The following MAP3K2 variants were observed in gnomAD, a reference collection of about 807,000 sequenced individuals.
The protein encoded by MAP3K2 is mitogen-activated protein kinase kinase kinase 2, also known as MAP/ERK kinase kinase 2.
MAP3K2 carries 24 observed loss-of-function variants against 80.3 expected under a neutral mutation model. The observed-to-expected ratio is 0.30, with a 90% CI of 0.22 to 0.42. The LOEUF is 0.42. MAP3K2 is among the 10% of genes least tolerant of loss of function. The pLI, the probability that MAP3K2 is intolerant of heterozygous loss-of-function variation, is 1.00. For missense variants in MAP3K2, 608 were observed against 750.1 expected (o/e 0.81, Z 2.21); for synonymous variants, 244 against 253.7 (o/e 0.96, Z 0.36).
At chr2:127,387,398 G>GCGCGCGCGCACACACACACACACACACC in intron 1 of MAP3K2, 54 bp downstream of exon 1, 1 of 189,724 alleles carries the variant, frequency 5.3e-6, no homozygotes, top group East Asian at 2.3e-4. Context: ...ACACACGCGC[G>GCGCGCGCGCACACACACACACACACACC]CACACACACA....
At position 127,324,255 on chromosome 2, in the gene MAP3K2, A is replaced by G. The variant is rs1268902565; in HGVS notation, c.678-14T>C. On this transcript the variant is annotated splice_polypyrimidine_tract_variant and intron_variant, in intron 9 of 16. Transcript: ENST00000682094. ...GGATAGCTCTCTCTATAAAGAAAAA[A>G]CATCACATTAAGTTTACAGAAAGAA... is the stretch of plus-strand genomic sequence containing the variant. The G allele has an allele frequency of 6.8e-7, 1 of 1,475,860 alleles. No homozygotes were observed. The allele number at this position is 1,475,860 out of a possible 1,614,324, so 91.4% of individuals were successfully genotyped here. A position where few individuals can be genotyped will look rare whatever the true frequency, so the allele number is the denominator to read the frequency against.
chr2:127,323,786 T>C (rs1686074478), intron 11 of MAP3K2, 116 bp downstream of exon 11: 2 of 483,496 alleles, frequency 4.1e-6, no homozygotes, highest in East Asian at 6.7e-5. Context: ...ATAACACAAT[T>C]CCTCATATTT....
chr2:127,353,467 C>T (rs1316678308), intron 1 of MAP3K2, among the ~76,000 whole-genome samples: 1 of 151,762 alleles, frequency 6.6e-6, no homozygotes, highest in Non-Finnish European at 1.5e-5. Context: ...GCCCAGCAGC[C>T]GTCCTGTCTG....
chr2:127,380,959 C>T (rs1687234997), intron 1 of MAP3K2, among the ~76,000 whole-genome samples: 1 of 152,216 alleles, frequency 6.6e-6, no homozygotes, highest in African/African-American at 2.4e-5. Flanking sequence ...GAAATTCATT[C>T]TTTATTCATA....
rs1307150490 is a variant in MAP3K2, at chr2:127,312,497, C to CA, written c.1456+2256dup. Among the ~76,000 whole-genome samples, 10 of 151,304 alleles carry CA rather than the reference C, an allele frequency of 6.6e-5. 1 individual carries two copies. Among genetic ancestry groups the CA allele is most frequent in the Non-Finnish European group, 1.3e-4 (9 of 67,800 alleles). On this transcript the variant is annotated intron_variant, in intron 15 of 16. Coordinates refer to ENST00000682094, the MANE Select transcript of MAP3K2 (RefSeq NM_001371910.2). ...GCAACATAGCAATACCCTATCTCTA[C>CA]AAAAAAAAATTTAATTAACTGGGCA...
intron 1 of MAP3K2, 60 bp downstream of exon 1, chr2:127,387,392 A>ATG (rs1553519998): frequency 5.1e-5 from 17 of 333,628 alleles, no homozygotes; most frequent in South Asian, 3.4e-4. Context: ...CCCGACACAC[A>ATG]CGCGCGCACA....
rs879061443 is a variant in MAP3K2, at chr2:127,321,501, T to C, written c.1045+545A>G. 2.6e-5 allele frequency among the ~76,000 whole-genome samples: 4 copies of C among 152,232 alleles called. No homozygotes were observed. The highest frequency in any genetic ancestry group is 4.4e-5 in the Non-Finnish European group (3 of 68,026). On this transcript the variant is annotated intron_variant, in intron 12 of 16. Coordinates refer to ENST00000682094, the MANE Select transcript of MAP3K2 (RefSeq NM_001371910.2). The surrounding 1 kb of genome is among the most constrained non-coding windows in gnomAD (Gnocchi z 4.4). ...ACATCTTTGAACATGAATCTTTGTA[T>C]GCACTGCTTACACAGTAAGGTCTGA...
chr2:127,381,038 T>C (rs1687236839), intron 1 of MAP3K2, among the ~76,000 whole-genome samples: 1 of 152,224 alleles, frequency 6.6e-6, no homozygotes, highest in Non-Finnish European at 1.5e-5. Context: ...TCCTTCTTTT[T>C]TTCCTGATTT....
chr2:127,345,454 A>G lies in MAP3K2; in HGVS notation c.-65-2260T>C, dbSNP rs186872998. Among the ~76,000 whole-genome samples the G allele has an allele frequency of 8.5e-5, 13 of 152,372 alleles. No individual in the cohort carries two copies. In the East Asian group the frequency reaches 1.2e-3, roughly 14 times the overall value. On this transcript the variant is annotated intron_variant, in intron 1 of 16. Transcript: ENST00000682094. ...TGGAGATTTCAATGCCCTGCGTTCA[A>G]TAACGGATAAAATAAGTAGACAGAA... is the stretch of plus-strand genomic sequence containing the variant.
intron 1 of MAP3K2, among the ~76,000 whole-genome samples, chr2:127,347,677 G>T (rs1319702441): frequency 6.6e-6 from 1 of 152,130 alleles, no homozygotes; most frequent in East Asian, 1.9e-4. Flanking sequence ...GTTATCTACA[G>T]ATTCAATGAA....
At chr2:127,355,498 CATT>C (rs1174418580) in intron 1 of MAP3K2, among the ~76,000 whole-genome samples, 1 of 152,076 alleles carries the variant, frequency 6.6e-6, no homozygotes, top group African/African-American at 2.4e-5. Context: ...TGTGCAATGG[CATT>C]ATGTCTAAAA....
chr2:127,337,207 C>T (rs1686390629), intron 4 of MAP3K2, among the ~76,000 whole-genome samples: 1 of 152,030 alleles, frequency 6.6e-6, no homozygotes, highest in South Asian at 2.1e-4. Flanking sequence ...TTGTCAACTA[C>T]CACCCTATCA....
rs1446621327 is a variant in MAP3K2, at chr2:127,305,851, C to T, written c.*1728G>A. ...TGTTCCATTTAACAATGTCCTTGCT[C>T]TTATTGGATACATTGTACTAGAAAT... On this transcript the variant is annotated 3_prime_UTR_variant, in exon 17 of 17. Coordinates refer to ENST00000682094, the MANE Select transcript of MAP3K2 (RefSeq NM_001371910.2). 6.6e-6 allele frequency: 1 copy of T among 151,454 alleles called. No individual in the cohort carries two copies. Among genetic ancestry groups the T allele is most frequent in the African/African-American group, 2.4e-5 (1 of 41,188 alleles). 9.4% of individuals were successfully genotyped at this position (151,454 alleles called of 1,614,324 possible).
intron 1 of MAP3K2, among the ~76,000 whole-genome samples, chr2:127,352,283 C>G (rs1176882944): frequency 1.3e-5 from 2 of 151,780 alleles, no homozygotes; most frequent in Admixed American, 6.6e-5. Flanking sequence ...CCCACCACTG[C>G]AAAAAAAGAA....
intron 1 of MAP3K2, among the ~76,000 whole-genome samples, chr2:127,368,831 G>A (rs72848605): frequency 0.035 from 5,229 of 150,762 alleles, 126 homozygotes; most frequent in Middle Eastern, 0.072. Context: ...GGTTGGCCTC[G>A]ACCTCTTGGG....
chr2:127,325,771 A>G lies in MAP3K2; in HGVS notation c.634T>C (p.Ser212Pro), dbSNP rs1350692612. ...AGTGATGGACAACTTCCTGAGCCAG[A>G]ATTTTCAGGGCTGCTTAAAGATAAT... ...DPLSLSSPEN[S>P]GSGSCPSLDS... The change falls in exon 9 of 17, where the codon TCT becomes CCT. Residue 212 changes from serine (S) to proline (P), a missense_variant. Ser to Pro is a moderately conservative substitution (Grantham distance 74). Around this residue, in one of 4 missense-constraint regions of MAP3K2, gnomAD observed 467 missense variants for 521.9 expected, o/e 0.89. Transcript: ENST00000682094. The G allele has an allele frequency of 6.2e-7, 1 of 1,613,642 alleles. No homozygotes were observed. Among genetic ancestry groups the G allele is most frequent in the Non-Finnish European group, 8.5e-7 (1 of 1,179,696 alleles).
intron 12 of MAP3K2, among the ~76,000 whole-genome samples, chr2:127,320,804 G>A (rs1370751783): frequency 6.6e-6 from 1 of 152,132 alleles, no homozygotes; most frequent in Non-Finnish European, 1.5e-5. Flanking sequence ...TAAGCCAGAA[G>A]ACAATGGGAC....
chr2:127,311,349 C>T (rs1435175100), intron 15 of MAP3K2, among the ~76,000 whole-genome samples: 1 of 152,128 alleles, frequency 6.6e-6, no homozygotes, highest in African/African-American at 2.4e-5. Context: ...TGGCTACAAG[C>T]AGGGCTCTGA....
rs748193402 is a variant in MAP3K2, at chr2:127,314,850, C to T, written c.1360G>A (p.Ala454Thr). The change falls in exon 15 of 17, where the codon GCT (alanine) becomes ACT (threonine). Residue 454 changes from alanine (A) to threonine (T), a missense_variant. Ala to Thr is a moderately conservative substitution (Grantham distance 58). Coordinates refer to ENST00000682094, the MANE Select transcript of MAP3K2 (RefSeq NM_001371910.2). ...SIKDQLKAYG[A>T]LTENVTRKYT... is the part of the protein sequence containing the mutation. ...TTCCTAGTCACATTCTCAGTAAGAG[C>T]GCCATATGCTTTTAATTGGTCCTTA... 36 of 1,610,368 alleles carry T rather than the reference C, an allele frequency of 2.2e-5. No individual in the cohort carries two copies. Among genetic ancestry groups the T allele is most frequent in the East Asian group, 2.2e-4 (10 of 44,842 alleles).
Sources: allele counts gnomAD v4.1 joint callset (sites outside exome capture counted in the v4.1 genomes callset), GRCh38; gene constraint gnomAD v4.1.1; regional missense constraint gnomAD v4.1.1; non-coding constraint Gnocchi (gnomAD v3.1); transcripts MANE v1.5; gene names NCBI Gene and HGNC (gene_info 2026-07-23, HGNC 2026-07-21).